E2F5: variants seen among roughly 807,000 people sequenced by gnomAD.
The protein encoded by E2F5 is transcription factor E2F5.
A neutral mutation model predicts 39.1 loss-of-function variants in E2F5; 23 were observed. The observed-to-expected ratio is 0.59, with a 90% confidence interval of 0.42 to 0.83. E2F5 has a LOEUF of 0.83. Among genes scored for constraint, E2F5 ranks in the 40% least tolerant of loss-of-function variants. The probability of loss-of-function intolerance (pLI) is 0.00; values close to 1 mark genes in which losing one functional copy is unlikely to be tolerated. For missense variants in E2F5, 365 were observed against 406.7 expected, an observed-to-expected ratio of 0.90 and a Z score of 0.88; for synonymous variants, 145 against 157.8, an observed-to-expected ratio of 0.92 and a Z score of 0.61.
chr8:85,180,949 C>T (rs1812200322), intron 1 of E2F5, among the ~76,000 whole-genome samples: 1 of 151,704 alleles, frequency 6.6e-6, no homozygotes, highest in Non-Finnish European at 1.5e-5. Context: ...ACAATCTCAG[C>T]TCATTGTAAC....
In E2F5 at chr8:85,180,506, CTATACATATATATATATATA is replaced by C. The variant is rs1338120116; in HGVS notation, c.234+2857_234+2876del. Among the ~76,000 whole-genome samples, 483 of 62,508 alleles carry C rather than the reference CTATACATATATATATATATA, an allele frequency of 7.7e-3. 3 individuals carry two copies. The highest frequency in any genetic ancestry group is 0.012 in the Non-Finnish European group (404 of 35,060). The allele number at this position is 62,508 out of a possible 152,430, so 41.0% of individuals were successfully genotyped here. A position where few individuals can be genotyped will look rare whatever the true frequency, so the allele number is the denominator to read the frequency against. On this transcript the variant is annotated intron_variant, in intron 1 of 7. Transcript: ENST00000416274. Reference sequence around the variant, plus strand: ...TGACTTTTAAACGCAGTTAAAGAAACTATACATATATATATATATATATATATATATATATATATATATAT... The same window carrying C: ...TGACTTTTAAACGCAGTTAAAGAAACTATATATATATATATATATATATAT...
chr8:85,196,513 C>T (rs772933781), intron 1 of E2F5, among the ~76,000 whole-genome samples: 1 of 152,118 alleles, frequency 6.6e-6, no homozygotes, highest in Non-Finnish European at 1.5e-5. Flanking sequence ...ATGAAACTTC[C>T]TGTAGACCAT....
intron 1 of E2F5, among the ~76,000 whole-genome samples, chr8:85,185,767 G>A (rs571549199): frequency 3.3e-5 from 5 of 152,144 alleles, no homozygotes; most frequent in African/African-American, 7.2e-5. Flanking sequence ...AATGCTCATC[G>A]TCACTGGTCA....
chr8:85,191,298 G>C (rs1044900907), intron 1 of E2F5, among the ~76,000 whole-genome samples: 4 of 152,146 alleles, frequency 2.6e-5, no homozygotes, highest in Non-Finnish European at 5.9e-5. Flanking sequence ...TTGGGGAGAT[G>C]TTGGTCAAAA....
At chr8:85,181,901 CA>C (rs1812224898) in intron 1 of E2F5, among the ~76,000 whole-genome samples, 1 of 151,502 alleles carries the variant, frequency 6.6e-6, no homozygotes, top group South Asian at 2.1e-4. Context: ...GCGGAGGTTG[CA>C]GTGAGCCGAG....
intron 1 of E2F5, among the ~76,000 whole-genome samples, chr8:85,194,630 G>T (rs1294200897): frequency 6.7e-6 from 1 of 149,730 alleles, no homozygotes; most frequent in East Asian, 2.0e-4. Context: ...TGCCACCCAG[G>T]TTTAAGTGAT....
chr8:85,181,490 C>G (rs1415468666), intron 1 of E2F5, among the ~76,000 whole-genome samples: 3 of 150,104 alleles, frequency 2.0e-5, no homozygotes, highest in African/African-American at 7.3e-5. Context: ...GCCACCACGC[C>G]CGGCTAGTTT....
chr8:85,184,425 A>T (rs957441883), intron 1 of E2F5, among the ~76,000 whole-genome samples: 5 of 152,208 alleles, frequency 3.3e-5, no homozygotes, highest in Non-Finnish European at 7.3e-5. Flanking sequence ...AATGGACAAA[A>T]ACTGGAAGCA....
chr8:85,183,566 G>T (rs552836156), intron 1 of E2F5, among the ~76,000 whole-genome samples: 1 of 152,296 alleles, frequency 6.6e-6, no homozygotes, highest in African/African-American at 2.4e-5. Context: ...TATTCTTCAG[G>T]CTTAGAAAGA....
intron 1 of E2F5, among the ~76,000 whole-genome samples, chr8:85,197,472 T>G (rs925701475): frequency 1.3e-5 from 2 of 152,208 alleles, no homozygotes; most frequent in Non-Finnish European, 2.9e-5. Context: ...GGACTACCTA[T>G]CTCAGCTTTC....
At chr8:85,198,903 C>G (rs1160761483) in intron 1 of E2F5, among the ~76,000 whole-genome samples, 1 of 152,184 alleles carries the variant, frequency 6.6e-6, no homozygotes, top group Non-Finnish European at 1.5e-5. Flanking sequence ...AGGTTCAAGG[C>G]CAGTTTCTTT....
chr8:85,210,602 A>C (rs1137517), intron 6 of E2F5, among the ~76,000 whole-genome samples: 3,859 of 151,474 alleles, frequency 0.025, 167 homozygotes, highest in African/African-American at 0.088. Context: ...AATTGCTTGA[A>C]CCCAGGAGTT....
At chr8:85,208,463 A>C (rs1206245347) in intron 5 of E2F5, among the ~76,000 whole-genome samples, 1 of 152,232 alleles carries the variant, frequency 6.6e-6, no homozygotes, top group African/African-American at 2.4e-5. Context: ...ATTAAGTCAA[A>C]GACATTTATT....
In E2F5 at chr8:85,203,681, T is replaced by G. The variant is rs1405052233; in HGVS notation, c.506+426T>G. Among the ~76,000 whole-genome samples the G allele has an allele frequency of 2.0e-5, 3 of 151,684 alleles. No homozygotes were observed. The South Asian group carries it at 6.2e-4, about 31-fold the overall frequency. ...TTTTTCGTTTAAAGATGAGATATGA[T>G]GTGTCCACAATCAATCCTTGATACT... On this transcript the variant is annotated intron_variant, in intron 3 of 7. Coordinates refer to ENST00000416274, the MANE Select transcript of E2F5 (RefSeq NM_001951.4).
chr8:85,199,715 C>T (rs564453837), intron 1 of E2F5, among the ~76,000 whole-genome samples: 55 of 152,282 alleles, frequency 3.6e-4, no homozygotes, highest in African/African-American at 1.1e-3. Flanking sequence ...ACCCACGATC[C>T]GTTTCAACCT....
chr8:85,197,332 A>T (rs1233444979), intron 1 of E2F5, among the ~76,000 whole-genome samples: 1 of 152,214 alleles, frequency 6.6e-6, no homozygotes, highest in Non-Finnish European at 1.5e-5. Flanking sequence ...GCCTTAGCTA[A>T]TCCTAACTCA....
At chr8:85,201,987 T>C in intron 1 of E2F5, 160 bp from the exon 2 acceptor site, 4 of 631,954 alleles carry the variant, frequency 6.3e-6, no homozygotes, top group South Asian at 3.8e-5. Context: ...GTATTTGCAG[T>C]GTTTGGGAGA....
intron 1 of E2F5, among the ~76,000 whole-genome samples, chr8:85,192,390 A>G (rs1344270194): frequency 1.3e-5 from 2 of 152,138 alleles, no homozygotes; most frequent in Admixed American, 6.6e-5. Flanking sequence ...TGACTTGGAT[A>G]TGGTTGATTT....
intron 1 of E2F5, among the ~76,000 whole-genome samples, chr8:85,180,241 G>A (rs1035907018): frequency 6.7e-6 from 1 of 149,136 alleles, no homozygotes; most frequent in Admixed American, 6.7e-5. Context: ...GGCTGGTCTC[G>A]AACTCCCAAC....
Sources: allele counts gnomAD v4.1 joint callset (sites outside exome capture counted in the v4.1 genomes callset), GRCh38; gene constraint gnomAD v4.1.1; transcripts MANE v1.5; gene names NCBI Gene and HGNC (gene_info 2026-07-23, HGNC 2026-07-21).